The following ITIH4 variants were observed in gnomAD, a reference collection of about 807,000 sequenced individuals.
The protein encoded by ITIH4 is inter-alpha-trypsin inhibitor heavy chain H4.
ITIH4 carries 79 observed loss-of-function variants against 111.8 expected under a neutral mutation model. The observed-to-expected ratio is 0.71, with a 90% CI of 0.59 to 0.85. The LOEUF (loss-of-function observed/expected upper bound fraction) is 0.85, where lower values mean the gene tolerates loss of function less well. Among genes scored for constraint, ITIH4 ranks in the 40% least tolerant of loss-of-function variants. The probability of loss-of-function intolerance (pLI) is 0.00; values close to 1 mark genes in which losing one functional copy is unlikely to be tolerated. For missense variants in ITIH4, 1,065 were observed against 1,195.8 expected, an observed-to-expected ratio of 0.89 and a Z score of 1.61; for synonymous variants, 472 against 468.3, an observed-to-expected ratio of 1.01 and a Z score of -0.10.
intron 1 of ITIH4, chr3:52,830,222 A>G (rs2154111808): frequency 2.5e-6 from 1 of 398,376 alleles, no homozygotes; most frequent in Admixed American, 3.2e-5. Context: ...AGGTTCTAGT[A>G]TTACCCTGTT....
At chr3:52,815,575 C>A (rs1159165624) in intron 21 of ITIH4, among the ~76,000 whole-genome samples, 1 of 152,002 alleles carries the variant, frequency 6.6e-6, no homozygotes, top group Non-Finnish European at 1.5e-5. Context: ...GCTCATGAAA[C>A]TATTTGGACT....
In ITIH4 at chr3:52,813,271, G is replaced by A. The variant is rs994545292; in HGVS notation, c.*150C>T. 45 of 721,634 alleles carry A rather than the reference G, an allele frequency of 6.2e-5. No individual in the cohort carries two copies. 44.7% of individuals were successfully genotyped at this position (721,634 alleles called of 1,614,324 possible). A position where few individuals can be genotyped will look rare whatever the true frequency, so the allele number is the denominator to read the frequency against. On this transcript the variant is annotated 3_prime_UTR_variant, in exon 24 of 24. Transcript: ENST00000266041. ...CCTAGGATTTGGCCACATGGAACTG[G>A]AGACACCCACTTCCCAGGCTCACAC...
intron 21 of ITIH4, among the ~76,000 whole-genome samples, chr3:52,814,669 C>T (rs542481940): frequency 6.6e-6 from 1 of 152,166 alleles, no homozygotes; most frequent in Non-Finnish European, 1.5e-5. Flanking sequence ...TCGTTGCAAC[C>T]TGTGCCTCCT....
At position 52,823,916 on chromosome 3, in the gene ITIH4, G is replaced by T. The variant is rs759003584; in HGVS notation, c.1260C>A (p.Asp420Glu). 8.1e-6 allele frequency: 13 copies of T among 1,611,214 alleles called. No homozygotes were observed. Among genetic ancestry groups the T allele is most frequent in the Non-Finnish European group, 1.1e-5 (13 of 1,178,890 alleles). The change falls in exon 10 of 24, where the codon GAC becomes GAA. Residue 420 changes from aspartate (D) to glutamate (E), a missense_variant. Physicochemically the swap from Asp to Glu is conservative, Grantham distance 45. Coordinates refer to ENST00000266041, the MANE Select transcript of ITIH4 (RefSeq NM_002218.5). Reference protein sequence around the residue: ...YSLFCLGFGFDVSYAFLEKLA... With the variant: ...YSLFCLGFGFEVSYAFLEKLA... ...GCTTCTCCAGGAAGGCATAGCTGAC[G>T]TCGAAACCGAAGCCCAGGCAGAAGA...
At position 52,821,040 on chromosome 3, in the gene ITIH4, T is replaced by A. The variant is rs1700371110; in HGVS notation, c.1630A>T (p.Met544Leu). The A allele has an allele frequency of 1.1e-5, 18 of 1,613,956 alleles. No homozygotes were observed. The highest frequency in any genetic ancestry group is 1.4e-5 in the Non-Finnish European group (17 of 1,180,028). Residue 544 changes from methionine to leucine, a missense_variant, in exon 12 of 24, where the codon ATG becomes TTG. Met to Leu is a conservative substitution (Grantham distance 15, BLOSUM62 2). Transcript: ENST00000266041. Reference protein sequence around the residue: ...QSPKYIFHNFMERLWAYLTIQ... With the variant: ...QSPKYIFHNFLERLWAYLTIQ... Reference sequence around the variant, plus strand: ...GTCAGGTATGCCCAGAGCCTCTCCATGAAGTTGTGGAAGATATACTTGGGG... The same window carrying A: ...GTCAGGTATGCCCAGAGCCTCTCCAAGAAGTTGTGGAAGATATACTTGGGG...
intron 6 of ITIH4, 120 bp downstream of exon 6, chr3:52,825,766 G>T: frequency 9.1e-7 from 1 of 1,095,742 alleles, no homozygotes; most frequent in South Asian, 1.8e-5. Flanking sequence ...GTCTGTGCCG[G>T]TCCCTGGTGC....
intron 14 of ITIH4, 116 bp downstream of exon 14, chr3:52,820,175 C>T: frequency 7.0e-7 from 1 of 1,436,078 alleles, no homozygotes; most frequent in South Asian, 1.2e-5. Flanking sequence ...CAGGGATGGG[C>T]TGGAGAGGCC....
intron 23 of ITIH4, 34 bp downstream of exon 23, chr3:52,813,941 A>C: frequency 6.4e-7 from 1 of 1,569,682 alleles, no homozygotes; most frequent in Non-Finnish European, 8.7e-7. Context: ...ACCCCACCCC[A>C]GCTGGGCTCA....
At chr3:52,827,566 T>C (rs1349386308) in intron 2 of ITIH4, among the ~76,000 whole-genome samples, 2 of 152,218 alleles carry the variant, frequency 1.3e-5, no homozygotes, top group African/African-American at 4.8e-5. Context: ...CACGGACTGT[T>C]CCAGGGGAAC....
Position 52,813,360 on chromosome 3 carries a change from G to T in ITIH4, c.*61C>A. On this transcript the variant is annotated 3_prime_UTR_variant, in exon 24 of 24. Transcript: ENST00000266041. ...CCATGGTGGTCCAGGCCCCAGAAGC[G>T]GCCCTGCAGTTGCAGGGGGAAGCCA... is the stretch of plus-strand genomic sequence containing the variant. 1 of 1,400,010 alleles carries T rather than the reference G, an allele frequency of 7.1e-7. No individual in the cohort carries two copies. The highest frequency in any genetic ancestry group is 1.0e-6 in the Non-Finnish European group (1 of 984,736). The allele number at this position is 1,400,010 out of a possible 1,614,324, so 86.7% of individuals were successfully genotyped here.
intron 2 of ITIH4, among the ~76,000 whole-genome samples, chr3:52,828,556 T>C (rs917112161): frequency 3.3e-5 from 5 of 152,080 alleles, no homozygotes; most frequent in African/African-American, 9.7e-5. Flanking sequence ...TTAGTAAACA[T>C]TGGAAACTGA....
chr3:52,818,847 A>G, intron 17 of ITIH4: 1 of 420,132 alleles, frequency 2.4e-6, no homozygotes, highest in South Asian at 2.7e-5. Flanking sequence ...TCTAGAGTAT[A>G]GTGGATCCTA....
intron 12 of ITIH4, 37 bp downstream of exon 12, chr3:52,820,954 C>A (rs749904046): frequency 9.3e-6 from 15 of 1,605,202 alleles, no homozygotes; most frequent in Admixed American, 1.7e-5. Flanking sequence ...GTGCCTGCCC[C>A]CTAGCGACAG....
chr3:52,817,034 T>C lies in ITIH4; in HGVS notation c.2321A>G (p.Glu774Gly), dbSNP rs1023187870. ...CCATGAGAACCCAGCCTTCTCCCTC[T>C]CATACTGGCCAGTCACCTCAACCCC... ...EQGVEVTGQY[E>G]REKAGFSWIE... The change falls in exon 21 of 24, where the codon GAG becomes GGG. Residue 774 changes from glutamate to glycine, a missense_variant. Transcript: ENST00000266041. The C allele has an allele frequency of 6.2e-7, 1 of 1,613,658 alleles. No homozygotes were observed. Among genetic ancestry groups the C allele is most frequent in the Non-Finnish European group, 8.5e-7 (1 of 1,179,884 alleles).
rs143304959 is a variant in ITIH4 at position 52,815,087 on chromosome 3, T to C, written c.2472-724A>G. 2.2e-3 allele frequency among the ~76,000 whole-genome samples: 336 copies of C among 152,312 alleles called. 2 individuals are homozygous for C. Among genetic ancestry groups the C allele is most frequent in the African/African-American group, 7.7e-3 (321 of 41,564 alleles). ...TTTTTAGTTAAAATAACCCTTGAAA[T>C]TCTTGCCTTTCTGGTGTTCTCATGA... On this transcript the variant is annotated intron_variant, in intron 21 of 23. Coordinates refer to ENST00000266041, the MANE Select transcript of ITIH4 (RefSeq NM_002218.5).
chr3:52,816,318 T>C (rs1700276823), intron 21 of ITIH4, among the ~76,000 whole-genome samples: 1 of 152,212 alleles, frequency 6.6e-6, no homozygotes, highest in African/African-American at 2.4e-5. Flanking sequence ...GCTCAGTATT[T>C]GAGGCCACTG....
At chr3:52,820,341 A>T (rs1476605623) in intron 13 of ITIH4, 24 bp from the exon 14 acceptor site, 1 of 1,611,444 alleles carries the variant, frequency 6.2e-7, no homozygotes, top group Non-Finnish European at 8.5e-7. Context: ...AGAGAGAGAG[A>T]GAGACAGACA....
Position 52,826,654 on chromosome 3 carries a change from G to A in ITIH4, c.520-3C>T. 6.2e-7 allele frequency: 1 copy of A among 1,613,274 alleles called. No individual in the cohort carries two copies. The highest frequency in any genetic ancestry group is 8.5e-7 in the Non-Finnish European group (1 of 1,179,296). On this transcript the variant is annotated splice_polypyrimidine_tract_variant and splice_region_variant and intron_variant, in intron 4 of 23. Coordinates refer to ENST00000266041, the MANE Select transcript of ITIH4 (RefSeq NM_002218.5). ...GGCTCGAAGATGTGAATGTCCATCT[G>A]GAGGCAAGATGTGGGTCCCTGGGTC...
intron 11 of ITIH4, among the ~76,000 whole-genome samples, chr3:52,822,654 G>C (rs1327406023): frequency 6.6e-6 from 1 of 152,198 alleles, no homozygotes; most frequent in Non-Finnish European, 1.5e-5. Context: ...TATCTGGGAG[G>C]TGGCAGAGCT....
Sources: allele counts gnomAD v4.1 joint callset (sites outside exome capture counted in the v4.1 genomes callset), GRCh38; gene constraint gnomAD v4.1.1; transcripts MANE v1.5; gene names NCBI Gene and HGNC (gene_info 2026-07-23, HGNC 2026-07-21).